The following VGLL3 variants were observed in gnomAD, a reference collection of about 807,000 sequenced individuals.
VGLL3 encodes transcription cofactor vestigial-like protein 3.
In VGLL3, 18 loss-of-function variants were observed where a neutral mutation model predicts 29.2. The observed-to-expected ratio is 0.62, with a 90% CI of 0.43 to 0.91. The LOEUF is 0.91. Ranked by LOEUF, VGLL3 falls within the 40% of genes least tolerant of loss-of-function variation. The probability of loss-of-function intolerance (pLI) is 0.00; values close to 1 mark genes in which losing one functional copy is unlikely to be tolerated. For synonymous variants in VGLL3, 180 were observed against 151.8 expected (o/e 1.19, Z -1.36); for missense variants, 440 against 413.2 (o/e 1.06, Z -0.56).
Position 86,983,934 on chromosome 3 carries a change from G to A in VGLL3, c.127-5132C>T, listed in dbSNP as rs192575618. Among the ~76,000 whole-genome samples, 16 of 152,282 alleles carry A rather than the reference G, an allele frequency of 1.1e-4. No individual in the cohort carries two copies. In the East Asian group the frequency reaches 3.1e-3, roughly 29 times the overall value. ...CTATAATGGTAAGTGGCAGAGATGG[G>A]ATTAGAACCTATTTCTGTCTGTTTA... On this transcript the variant is annotated intron_variant, in intron 1 of 3. Transcript: ENST00000398399.
chr3:86,959,151 T>C (rs1189306956), intron 3 of VGLL3, among the ~76,000 whole-genome samples: 1 of 152,176 alleles, frequency 6.6e-6, no homozygotes, highest in Non-Finnish European at 1.5e-5. Context: ...GTACACAAAA[T>C]TCTATAAATC....
chr3:86,978,942 CATCTT>C, intron 1 of VGLL3, 140 bp from the exon 2 acceptor site: 1 of 953,306 alleles, frequency 1.0e-6, no homozygotes, highest in South Asian at 2.3e-5. Flanking sequence ...TGTTTTACTC[CATCTT>C]TTTCCTCCCC....
chr3:86,949,730 G>C (rs746979945), intron 3 of VGLL3, among the ~76,000 whole-genome samples: 1 of 151,606 alleles, frequency 6.6e-6, no homozygotes, highest in Non-Finnish European at 1.5e-5. Context: ...GGGAGGCTGA[G>C]GCAGGAGAAT....
Position 86,968,590 on chromosome 3 carries a change from CT to C in VGLL3, c.936del (p.Gly313ValfsTer44). 1 of 1,610,270 alleles carries C rather than the reference CT, an allele frequency of 6.2e-7. No individual in the cohort carries two copies. The highest frequency in any genetic ancestry group is 8.5e-7 in the Non-Finnish European group (1 of 1,177,510). Reference protein sequence around the residue: ...VDIVPSVGFDTGLQHQDKSKE... With the variant: ...VDIVPSVGFDXGLQHQDKSKE... ...GGAAGAAAGAAATCCAGCAGCTTAC[CT>C]GTATCGAATCCCACGCTGGGCACTA... On this transcript the variant is annotated frameshift_variant and splice_region_variant, in exon 3 of 4. Transcript: ENST00000398399. LOFTEE classifies it high-confidence loss of function.
At position 86,939,037 on chromosome 3, in the gene VGLL3, C is replaced by T. The variant is rs1009235693; in HGVS notation, c.*7987G>A. ...GACTGCTCATCTTACATAAGTAACACATAACCCTTTGGATTCTGAAGCACT... is the reference window on the plus strand; with the variant it reads ...GACTGCTCATCTTACATAAGTAACATATAACCCTTTGGATTCTGAAGCACT... On this transcript the variant is annotated 3_prime_UTR_variant, in exon 4 of 4. Transcript: ENST00000398399. The T allele has an allele frequency of 2.6e-5, 4 of 152,224 alleles. No homozygotes were observed. Among genetic ancestry groups the T allele is most frequent in the Admixed American group, 1.3e-4 (2 of 15,286 alleles). The allele number at this position is 152,224 out of a possible 1,614,324, so 9.4% of individuals were successfully genotyped here.
intron 1 of VGLL3, among the ~76,000 whole-genome samples, chr3:86,984,666 A>G (rs79038802): frequency 0.018 from 2,684 of 152,216 alleles, 87 homozygotes; most frequent in African/African-American, 0.061. Flanking sequence ...TTTTAAGGTA[A>G]TTTATCCATT....
chr3:86,969,276 A>G (rs1575871289), intron 2 of VGLL3, among the ~76,000 whole-genome samples, 153 bp from the exon 3 acceptor site: 1 of 152,230 alleles, frequency 6.6e-6, no homozygotes, highest in Non-Finnish European at 1.5e-5. Context: ...GTGAATTGAT[A>G]CCAGGTTGGC....
rs1704520188 is a variant in VGLL3 at position 86,946,947 on chromosome 3, T to A, written c.*77A>T. 2 of 766,540 alleles carry A rather than the reference T, an allele frequency of 2.6e-6. No individual in the cohort carries two copies. The highest frequency in any genetic ancestry group is 4.9e-6 in the Non-Finnish European group (2 of 410,968). The allele number at this position is 766,540 out of a possible 1,614,324, so 47.5% of individuals were successfully genotyped here. A position where few individuals can be genotyped will look rare whatever the true frequency, so the allele number is the denominator to read the frequency against. On this transcript the variant is annotated 3_prime_UTR_variant, in exon 4 of 4. Transcript: ENST00000398399. ...ATGCCTTTCGTGTCCTATTGCTGAA[T>A]GGAAAAACCCGACAGTATCTTTTCC...
chr3:86,990,054 C>T (rs1385639904), intron 1 of VGLL3, among the ~76,000 whole-genome samples: 1 of 152,130 alleles, frequency 6.6e-6, no homozygotes, highest in African/African-American at 2.4e-5. Flanking sequence ...ACCTTGGAAT[C>T]CATCCCTGTC....
chr3:86,960,068 A>G (rs13074249), intron 3 of VGLL3, among the ~76,000 whole-genome samples: 1,981 of 152,202 alleles, frequency 0.013, 17 homozygotes, highest in Non-Finnish European at 0.02. Flanking sequence ...TATGTTTTTA[A>G]TTAATAGATT....
At chr3:86,962,706 C>T (rs1704878446) in intron 3 of VGLL3, 1 of 792,950 alleles carries the variant, frequency 1.3e-6, no homozygotes, top group East Asian at 1.3e-4. Context: ...GAGAATTAAA[C>T]ACACATTTAC....
Position 86,967,147 on chromosome 3 carries a change from C to G in VGLL3, c.937+1443G>C, listed in dbSNP as rs1006871516. Among the ~76,000 whole-genome samples, 5 of 152,018 alleles carry G rather than the reference C, an allele frequency of 3.3e-5. No homozygotes were observed. The South Asian group carries it at 1.0e-3, about 32-fold the overall frequency. ...GAATTCATAGAGGGAAGAACACGCC[C>G]TTTGCCTGCTAAGAGCATTGTTGCT... is the stretch of plus-strand genomic sequence containing the variant. On this transcript the variant is annotated intron_variant, in intron 3 of 3. Coordinates refer to ENST00000398399, the MANE Select transcript of VGLL3 (RefSeq NM_016206.4).
intron 1 of VGLL3, 27 bp from the exon 2 acceptor site, chr3:86,978,829 A>G (rs1705267530): frequency 1.3e-6 from 2 of 1,539,702 alleles, no homozygotes; most frequent in East Asian, 2.3e-5. Flanking sequence ...AAAACACAGT[A>G]TCAAAGACAG....
chr3:86,959,718 G>T (rs1194870736), intron 3 of VGLL3, among the ~76,000 whole-genome samples: 1 of 151,994 alleles, frequency 6.6e-6, no homozygotes, highest in African/African-American at 2.4e-5. Context: ...ATGTTACTGG[G>T]TATAAAGCTC....
At chr3:86,973,806 C>T (rs1225475771) in intron 2 of VGLL3, among the ~76,000 whole-genome samples, 1 of 152,080 alleles carries the variant, frequency 6.6e-6, no homozygotes, top group Non-Finnish European at 1.5e-5. Flanking sequence ...CCAAGCAGAC[C>T]CTATGTACAT....
intron 3 of VGLL3, among the ~76,000 whole-genome samples, chr3:86,954,223 T>C (rs1269789324): frequency 2.0e-5 from 3 of 152,232 alleles, no homozygotes; most frequent in Non-Finnish European, 4.4e-5. Flanking sequence ...TAAAACCCAC[T>C]GAAGCTGATG....
Position 86,946,283 on chromosome 3 carries a change from TAA to T in VGLL3, c.*739_*740del, listed in dbSNP as rs370281448. ...AATATCATTTCTTTAGCACAGTCAT[TAA>T]AAAAAAACTTTTCAAGCTATACATA... is the stretch of plus-strand genomic sequence containing the variant. On this transcript the variant is annotated 3_prime_UTR_variant, in exon 4 of 4. Transcript: ENST00000398399. The T allele has an allele frequency of 1.3e-5, 2 of 150,870 alleles. No individual in the cohort carries two copies. The highest frequency in any genetic ancestry group is 3.9e-4 in the East Asian group (2 of 5,172). The allele number at this position is 150,870 out of a possible 1,614,324, so 9.3% of individuals were successfully genotyped here.
chr3:86,974,775 T>C (rs958047635), intron 2 of VGLL3, among the ~76,000 whole-genome samples: 4 of 152,192 alleles, frequency 2.6e-5, no homozygotes, highest in African/African-American at 9.7e-5. Context: ...CCTTTAATAC[T>C]CGGTCAGCAG....
rs147075042 is a variant in VGLL3, at chr3:86,990,427, T to G, written c.126+191A>C. The G allele has an allele frequency of 1.0e-4, 100 of 979,986 alleles. No homozygotes were observed. In the African/African-American group the frequency reaches 1.6e-3, roughly 16 times the overall value. The allele number at this position is 979,986 out of a possible 1,614,324, so 60.7% of individuals were successfully genotyped here. ...ATGAAGCCCCCAGCTAGGTCATGCC[T>G]CACCCACCCGTCCACCCTGCTGCTC... On this transcript the variant is annotated intron_variant, in intron 1 of 3. Transcript: ENST00000398399.
Sources: gnomAD v4.1 joint callset for allele counts (sites outside exome capture counted in the v4.1 genomes callset) on GRCh38, gnomAD v4.1.1 for gene constraint, MANE v1.5 for transcripts, NCBI Gene and HGNC (gene_info 2026-07-23, HGNC 2026-07-21) for gene names.